RGS6: variants seen among roughly 807,000 people sequenced by gnomAD.
RGS6 encodes regulator of G-protein signaling 6.
In RGS6, 30 loss-of-function variants were observed where a neutral mutation model predicts 78.5. That is an observed-to-expected ratio of 0.38 (90% CI 0.29 to 0.52). The LOEUF is 0.52. RGS6 is among the 20% of genes least tolerant of loss of function. The probability of loss-of-function intolerance (pLI) is 0.85; values close to 1 mark genes in which losing one functional copy is unlikely to be tolerated. For synonymous variants in RGS6, 206 were observed against 206.0 expected (o/e 1.00, Z 0.00); for missense variants, 495 against 609.7 (o/e 0.81, Z 1.98).
intron 2 of RGS6, among the ~76,000 whole-genome samples, chr14:72,153,297 T>C (rs948362271): frequency 9.2e-5 from 14 of 152,192 alleles, no homozygotes; most frequent in African/African-American, 3.4e-4. Context: ...AGCCTCGCAT[T>C]ATCTGGTGAC....
intron 3 of RGS6, among the ~76,000 whole-genome samples, chr14:72,433,580 C>A (rs74500231): frequency 6.6e-6 from 1 of 152,100 alleles, no homozygotes; most frequent in Non-Finnish European, 1.5e-5. Context: ...AAGAGAGCAT[C>A]GTAAGTAGGA....
intron 2 of RGS6, among the ~76,000 whole-genome samples, chr14:72,085,333 C>T (rs956697750): frequency 7.2e-5 from 11 of 152,122 alleles, no homozygotes; most frequent in South Asian, 4.1e-4. Context: ...TGTGGTCCAG[C>T]GAGGTTAAGT....
chr14:71,936,030 A>ATATATATACATATATATATATG (rs781759305), intron 1 of RGS6, among the ~76,000 whole-genome samples: 2 of 133,222 alleles, frequency 1.5e-5, no homozygotes, highest in East Asian at 4.3e-4. Context: ...ATATATATAT[A>ATATATATACATATATATATATG]TATATATATA....
chr14:72,128,276 C>G (rs1029751279), intron 2 of RGS6, among the ~76,000 whole-genome samples: 2 of 152,136 alleles, frequency 1.3e-5, no homozygotes, highest in African/African-American at 2.4e-5. Flanking sequence ...AATATATTCT[C>G]TTTATGGTAT....
chr14:72,499,008 T>C (rs1172506369), intron 13 of RGS6, among the ~76,000 whole-genome samples: 1 of 152,156 alleles, frequency 6.6e-6, no homozygotes, highest in Non-Finnish European at 1.5e-5. Flanking sequence ...AATGGGAGTC[T>C]TGGGGAGGTA....
At chr14:71,952,774 A>T (rs770491726) in intron 1 of RGS6, among the ~76,000 whole-genome samples, 1 of 152,178 alleles carries the variant, frequency 6.6e-6, no homozygotes, top group Non-Finnish European at 1.5e-5. Flanking sequence ...TTACATTTAA[A>T]TGCCATGTTT....
chr14:72,439,599 C>T (rs1215795482), intron 3 of RGS6, among the ~76,000 whole-genome samples: 1 of 152,240 alleles, frequency 6.6e-6, no homozygotes, highest in Non-Finnish European at 1.5e-5. Context: ...AATACTTTCT[C>T]TCCTCCACAT....
At chr14:72,581,391 A>G in the RGS6 span, among the ~76,000 whole-genome samples, 1 of 151,890 alleles carries the variant, frequency 6.6e-6, no homozygotes, top group Non-Finnish European at 1.5e-5. Flanking sequence ...CTTCTTCCCC[A>G]CTGCCACTCA....
At chr14:72,106,495 G>A (rs2095635824) in intron 2 of RGS6, among the ~76,000 whole-genome samples, 1 of 152,122 alleles carries the variant, frequency 6.6e-6, no homozygotes. Flanking sequence ...CCAGCACCTA[G>A]CTAAAGAAAT....
the RGS6 span, chr14:72,619,475 G>A: frequency 1.6e-6 from 2 of 1,279,100 alleles, no homozygotes; most frequent in Admixed American, 2.2e-5. Flanking sequence ...CTTTGGCAAT[G>A]CAGAAACCAA....
intron 17 of RGS6, chr14:72,550,312 A>C: frequency 1.4e-6 from 1 of 696,502 alleles, no homozygotes; most frequent in Non-Finnish European, 2.6e-6. Context: ...GTGCCTAGGT[A>C]TAAGAGGTGG....
At chr14:71,987,971 G>GA (rs566491688) in intron 2 of RGS6, among the ~76,000 whole-genome samples, 139 of 152,250 alleles carry the variant, frequency 9.1e-4, no homozygotes, top group African/African-American at 3.2e-3. Context: ...CCCTTAGCTT[G>GA]AGAGACATGT....
the RGS6 span, among the ~76,000 whole-genome samples, chr14:72,625,400 G>T: frequency 6.6e-6 from 1 of 152,082 alleles, no homozygotes; most frequent in South Asian, 2.1e-4. Context: ...GTTGCTTCCT[G>T]TGTCCTCTAG....
chr14:72,465,323 T>C (rs1032123195), intron 6 of RGS6, among the ~76,000 whole-genome samples: 1 of 152,094 alleles, frequency 6.6e-6, no homozygotes, highest in African/African-American at 2.4e-5. Flanking sequence ...GAGTGTAGGA[T>C]GTTCAGGGTG....
At chr14:72,315,317 G>A (rs576328900) in intron 2 of RGS6, among the ~76,000 whole-genome samples, 20 of 152,280 alleles carry the variant, frequency 1.3e-4, no homozygotes, top group Admixed American at 5.9e-4. Flanking sequence ...TTGAAATAAC[G>A]TTTACACTGG....
chr14:72,516,405 C>G (rs1459690216), intron 14 of RGS6, among the ~76,000 whole-genome samples: 1 of 152,164 alleles, frequency 6.6e-6, no homozygotes, highest in Non-Finnish European at 1.5e-5. Flanking sequence ...GGGAACAGCT[C>G]CTTTCAAGCC....
intron 2 of RGS6, among the ~76,000 whole-genome samples, chr14:72,063,835 C>G (rs1445704366): frequency 1.3e-5 from 2 of 151,810 alleles, no homozygotes; most frequent in East Asian, 1.9e-4. Flanking sequence ...CCTTTGTTTT[C>G]TAAGAAATAG....
intron 2 of RGS6, among the ~76,000 whole-genome samples, chr14:72,087,862 A>G (rs537561757): frequency 6.6e-6 from 1 of 152,332 alleles, no homozygotes; most frequent in Non-Finnish European, 1.5e-5. Flanking sequence ...ATCCTTGGAA[A>G]TAAATTGCAT....
chr14:71,869,209 T>G, the RGS6 span, among the ~76,000 whole-genome samples: 1 of 152,222 alleles, frequency 6.6e-6, no homozygotes, highest in Non-Finnish European at 1.5e-5. Flanking sequence ...GCATTTTAGG[T>G]TCTATGCCAG....
Sources: gnomAD v4.1 joint callset for allele counts (sites outside exome capture counted in the v4.1 genomes callset) on GRCh38, gnomAD v4.1.1 for gene constraint, MANE v1.5 for transcripts, NCBI Gene and HGNC (gene_info 2026-07-23, HGNC 2026-07-21) for gene names.